Variants in XRN2 observed in about 807,000 individuals in gnomAD.
XRN2 encodes DHM1-like protein.
Under a neutral mutation model 138.5 loss-of-function variants are expected in XRN2, and 44 were observed. The ratio of observed to expected loss-of-function variants is 0.32; its 90% CI spans 0.25 to 0.41. The LOEUF is 0.41. XRN2 is among the 10% of genes least tolerant of loss of function. XRN2 has a pLI of 1.00. For synonymous variants in XRN2, 354 were observed against 369.4 expected (o/e 0.96, Z 0.48); for missense variants, 937 against 1,169.3 (o/e 0.80, Z 2.90).
At chr20:21,376,094 T>C (rs1441563026) in intron 27 of XRN2, among the ~76,000 whole-genome samples, 1 of 152,166 alleles carries the variant, frequency 6.6e-6, no homozygotes, top group Non-Finnish European at 1.5e-5. Context: ...CGCCTCGGCC[T>C]CCCAAAGTGC....
At chr20:21,339,220 CT>C in intron 14 of XRN2, 132 bp downstream of exon 14, 2 of 835,480 alleles carry the variant, frequency 2.4e-6, no homozygotes, top group Non-Finnish European at 1.9e-6. Context: ...ACCCAGTTAC[CT>C]TTTTACCTGT....
chr20:21,364,384 A>C (rs376188576), intron 24 of XRN2, among the ~76,000 whole-genome samples: 75 of 152,314 alleles, frequency 4.9e-4, no homozygotes, highest in African/African-American at 1.8e-3. Flanking sequence ...CTATGTCAGA[A>C]GACAGACTTA....
At chr20:21,373,371 T>C (rs1469248209) in intron 27 of XRN2, among the ~76,000 whole-genome samples, 1 of 152,242 alleles carries the variant, frequency 6.6e-6, no homozygotes, top group East Asian at 1.9e-4. Context: ...TATTTACTTA[T>C]CCAGTAGCAT....
At chr20:21,386,632 T>A (rs1216805012) in intron 28 of XRN2, among the ~76,000 whole-genome samples, 2 of 152,184 alleles carry the variant, frequency 1.3e-5, no homozygotes, top group Non-Finnish European at 2.9e-5. Flanking sequence ...CTTTTAAAAG[T>A]CAGAACTTCT....
chr20:21,330,392 G>T (rs2038190663), intron 4 of XRN2, 89 bp from the exon 5 acceptor site: 2 of 1,374,384 alleles, frequency 1.5e-6, no homozygotes, highest in African/African-American at 2.9e-5. Flanking sequence ...TTTTGTAGTG[G>T]AACTTTTTGT....
In XRN2 at chr20:21,340,716, G is replaced by A; in HGVS notation, c.1279-5G>A. On this transcript the variant is annotated splice_region_variant and splice_polypyrimidine_tract_variant and intron_variant, in intron 14 of 29. Transcript: ENST00000377191. Reference sequence around the variant, plus strand: ...TAATTTCTACATTCATTCCATTTATGTTAGAGAGATCAACCAGCTTTCACT... The same window carrying A: ...TAATTTCTACATTCATTCCATTTATATTAGAGAGATCAACCAGCTTTCACT... The A allele has an allele frequency of 6.2e-7, 1 of 1,613,282 alleles. No homozygotes were observed. The highest frequency in any genetic ancestry group is 1.1e-5 in the South Asian group (1 of 90,998).
intron 28 of XRN2, 54 bp downstream of exon 28, chr20:21,382,111 G>C (rs577166773): frequency 1.2e-5 from 18 of 1,456,338 alleles, no homozygotes; most frequent in Non-Finnish European, 1.5e-5. Flanking sequence ...CAACATTTGG[G>C]GTTTATGGTT....
At chr20:21,337,133 A>C (rs1262956633) in intron 13 of XRN2, among the ~76,000 whole-genome samples, 1 of 152,224 alleles carries the variant, frequency 6.6e-6, no homozygotes, top group Non-Finnish European at 1.5e-5. Flanking sequence ...GGTTTTGAGT[A>C]GAAAAGTGAC....
rs554196619 is a variant in XRN2 at position 21,348,098 on chromosome 20, C to T, written c.1666-48C>T. 12 of 1,527,774 alleles carry T rather than the reference C, an allele frequency of 7.9e-6. No homozygotes were observed. In the South Asian group the frequency reaches 8.6e-5, roughly 11 times the overall value. 94.6% of individuals were successfully genotyped at this position (1,527,774 alleles called of 1,614,324 possible). The stretch of plus-strand genomic sequence containing the variant: ...TTTTGTTTTTTTTAATTGTGTTCAT[C>T]ATTAACATAGGTTTTTGATTTTGTT... On this transcript the variant is annotated intron_variant, in intron 17 of 29. Transcript: ENST00000377191.
chr20:21,368,824 T>G (rs1195187209), intron 27 of XRN2, among the ~76,000 whole-genome samples: 1 of 152,162 alleles, frequency 6.6e-6, no homozygotes, highest in Non-Finnish European at 1.5e-5. Flanking sequence ...GAACATGAGA[T>G]ATTTTGACAC....
intron 13 of XRN2, among the ~76,000 whole-genome samples, chr20:21,337,705 A>T (rs2038315052): frequency 6.6e-6 from 1 of 152,212 alleles, no homozygotes; most frequent in Non-Finnish European, 1.5e-5. Context: ...CTACTGCTAA[A>T]GGTCATCACC....
intron 20 of XRN2, among the ~76,000 whole-genome samples, chr20:21,351,610 C>G (rs1418674720): frequency 6.6e-6 from 1 of 152,056 alleles, no homozygotes; most frequent in Non-Finnish European, 1.5e-5. Flanking sequence ...TCAAGTTTAT[C>G]TTTTTTGTTG....
intron 21 of XRN2, among the ~76,000 whole-genome samples, chr20:21,355,584 A>C (rs1436818181): frequency 6.6e-6 from 1 of 152,150 alleles, no homozygotes; most frequent in Non-Finnish European, 1.5e-5. Flanking sequence ...GTATATTCAT[A>C]CGTATTTCAG....
At chr20:21,322,985 C>A (rs1334860545) in intron 1 of XRN2, among the ~76,000 whole-genome samples, 1 of 152,174 alleles carries the variant, frequency 6.6e-6, no homozygotes, top group Non-Finnish European at 1.5e-5. Context: ...TCTCTGGGAG[C>A]TTCTGTCTCA....
At chr20:21,379,845 G>A (rs1449162461) in intron 27 of XRN2, among the ~76,000 whole-genome samples, 1 of 152,144 alleles carries the variant, frequency 6.6e-6, no homozygotes, top group Non-Finnish European at 1.5e-5. Flanking sequence ...TATATTATGG[G>A]TGGTGATGGC....
intron 27 of XRN2, among the ~76,000 whole-genome samples, chr20:21,375,821 T>C (rs2038814314): frequency 6.8e-6 from 1 of 146,342 alleles, no homozygotes; most frequent in African/African-American, 2.5e-5. Flanking sequence ...TTTATTTATT[T>C]ATTTATTTTT....
At chr20:21,351,932 T>C (rs777106634) in intron 20 of XRN2, among the ~76,000 whole-genome samples, 6 of 152,236 alleles carry the variant, frequency 3.9e-5, no homozygotes, top group Admixed American at 1.3e-4. Context: ...TTTTTCCTTA[T>C]GCCAATGCTA....
rs1451741391 is a variant in XRN2 at position 21,331,418 on chromosome 20, C to G, written c.577-143C>G. The G allele has an allele frequency of 1.6e-5, 11 of 668,618 alleles. 1 individual carries two copies. Among genetic ancestry groups the G allele is most frequent in the East Asian group, 8.4e-5 (3 of 35,568 alleles). 41.4% of individuals were successfully genotyped at this position (668,618 alleles called of 1,614,324 possible). Reference sequence around the variant, plus strand: ...TGTTTTTCACACACACACACACACACACACACACACACACACACACCCTTA... The same window carrying G: ...TGTTTTTCACACACACACACACACAGACACACACACACACACACACCCTTA... On this transcript the variant is annotated intron_variant, in intron 6 of 29. Transcript: ENST00000377191.
chr20:21,353,141 ATATT>A (rs1392152881), intron 20 of XRN2, among the ~76,000 whole-genome samples: 2 of 145,438 alleles, frequency 1.4e-5, no homozygotes, highest in East Asian at 4.0e-4. Flanking sequence ...TTAATATATA[ATATT>A]TAATATTTAA....
Sources: allele counts gnomAD v4.1 joint callset (sites outside exome capture counted in the v4.1 genomes callset), GRCh38; gene constraint gnomAD v4.1.1; transcripts MANE v1.5; gene names NCBI Gene and HGNC (gene_info 2026-07-23, HGNC 2026-07-21).